ABL1: variants seen among roughly 807,000 people sequenced by gnomAD.
ABL1 encodes the protein ABL proto-oncogene 1, non-receptor tyrosine kinase.
In ABL1, 11 loss-of-function variants were observed where a neutral mutation model predicts 94.7. The ratio of observed to expected loss-of-function variants is 0.12; its 90% confidence interval spans 0.07 to 0.19. ABL1 has a LOEUF of 0.19. Ranked by LOEUF, ABL1 falls within the 10% of genes least tolerant of loss-of-function variation. The probability of loss-of-function intolerance (pLI) is 1.00; values close to 1 mark genes in which losing one functional copy is unlikely to be tolerated. For synonymous variants in ABL1, 656 were observed against 622.4 expected, an observed-to-expected ratio of 1.05 and a Z score of -0.80; for missense variants, 1,082 against 1,489.4, an observed-to-expected ratio of 0.73 and a Z score of 4.50.
At chr9:130,853,331 A>G (rs1179813994) in intron 1 of ABL1, among the ~76,000 whole-genome samples, 1 of 151,490 alleles carries the variant, frequency 6.6e-6, no homozygotes, top group East Asian at 1.9e-4. Flanking sequence ...ACCTGCCACC[A>G]TGCCCGGCTG....
chr9:130,835,591 C>G lies in ABL1; in HGVS notation c.79+66C>G. On this transcript the variant is annotated intron_variant, in intron 1 of 10. Transcript: ENST00000318560. The surrounding 1 kb of genome is among the most constrained non-coding windows in gnomAD (Gnocchi z 4.6). ...CCCTCCCGCTGCTGCTGGGCCCTTC[C>G]TAGGCCTCGCCGCCCGCGCGCTCCC... 1 of 1,411,964 alleles carries G rather than the reference C, an allele frequency of 7.1e-7. No individual in the cohort carries two copies. The highest frequency in any genetic ancestry group is 1.2e-5 in the South Asian group (1 of 80,876). The allele number at this position is 1,411,964 out of a possible 1,614,324, so 87.5% of individuals were successfully genotyped here. A position where few individuals can be genotyped will look rare whatever the true frequency, so the allele number is the denominator to read the frequency against.
chr9:130,821,949 C>T (rs761012777), intron 1 of ABL1, among the ~76,000 whole-genome samples: 1 of 151,974 alleles, frequency 6.6e-6, no homozygotes, highest in African/African-American at 2.4e-5. Context: ...ATGCCATTCT[C>T]CCGCCTCAGC....
Position 130,739,300 on chromosome 9 carries a change from G to A in ABL1, c.136+24845G>A, listed in dbSNP as rs182317626. ...TGAGACATGATGTGATGTTTAGTTC[G>A]TAGCATCCTCAGCACTGTCTTATTC... On this transcript the variant is annotated intron_variant, in intron 1 of 10. Coordinates refer to the ABL1 transcript ENST00000372348. Among the ~76,000 whole-genome samples, 145 of 151,966 alleles carry A rather than the reference G, an allele frequency of 9.5e-4. 1 individual carries two copies. Among genetic ancestry groups the A allele is most frequent in the African/African-American group, 3.4e-3 (140 of 41,452 alleles).
At position 130,887,359 on chromosome 9, in the gene ABL1, C is replaced by T. The variant is rs1831604569; in HGVS notation, c.*1676C>T. 1 of 233,276 alleles carries T rather than the reference C, an allele frequency of 4.3e-6. No individual in the cohort carries two copies. The highest frequency in any genetic ancestry group is 2.2e-5 in the African/African-American group (1 of 45,376). 14.5% of individuals were successfully genotyped at this position (233,276 alleles called of 1,614,324 possible). ...GGGAGGCACTAGTCACCGACAGCGG[C>T]CTTGAAGACAGAGCAAAGCGCCCAC... On this transcript the variant is annotated 3_prime_UTR_variant, in exon 11 of 11. Coordinates refer to ENST00000318560, the MANE Select transcript of ABL1 (RefSeq NM_005157.6).
At chr9:130,730,665 G>C (rs35782657) in intron 1 of ABL1, among the ~76,000 whole-genome samples, 49,029 of 151,648 alleles carry the variant, frequency 0.32, 11,580 homozygotes, top group African/African-American at 0.65. Context: ...TTGACCTCCT[G>C]GGCTCAAGCG....
At chr9:130,716,072 CTTTTTTTTTT>C (rs71389339) in intron 1 of ABL1, among the ~76,000 whole-genome samples, 88 of 91,200 alleles carry the variant, frequency 9.6e-4, no homozygotes, top group Middle Eastern at 8.8e-3. Flanking sequence ...GAAAAATGTC[CTTTTTTTTTT>C]TTTTTTTTTT....
Position 130,755,453 on chromosome 9 carries a change from GTC to G in ABL1, c.136+41002_136+41003del, listed in dbSNP as rs1475670539. 7.9e-5 allele frequency among the ~76,000 whole-genome samples: 12 copies of G among 152,282 alleles called. No individual in the cohort carries two copies. The East Asian group carries it at 1.7e-3, about 22-fold the overall frequency. On this transcript the variant is annotated intron_variant, in intron 1 of 10. Transcript: ENST00000372348. ...CTTCAGTAGTAGCATTGACAGAACA[GTC>G]TCTGTGTACTCTGTCCCCTCAGTGC... is the stretch of plus-strand genomic sequence containing the variant.
intron 1 of ABL1, among the ~76,000 whole-genome samples, chr9:130,754,491 G>A (rs1158904574): frequency 2.4e-5 from 3 of 126,302 alleles, no homozygotes; most frequent in Non-Finnish European, 4.6e-5. Context: ...CTGGGCGACA[G>A]AGCGAGACTC....
chr9:130,811,432 C>T (rs1391347006), intron 1 of ABL1, among the ~76,000 whole-genome samples: 2 of 152,140 alleles, frequency 1.3e-5, no homozygotes, highest in African/African-American at 2.4e-5. Context: ...GGTAATTACA[C>T]ATTGTAGCAT....
At chr9:130,811,886 T>G (rs1230518894) in intron 1 of ABL1, among the ~76,000 whole-genome samples, 2 of 121,504 alleles carry the variant, frequency 1.6e-5, no homozygotes, top group Non-Finnish European at 3.1e-5. Flanking sequence ...CACTGTAGTC[T>G]GAGCGACAGA....
intron 1 of ABL1, among the ~76,000 whole-genome samples, chr9:130,849,355 C>T (rs1216620090): frequency 6.6e-6 from 1 of 152,124 alleles, no homozygotes; most frequent in Non-Finnish European, 1.5e-5. Flanking sequence ...CAGTTGCCCT[C>T]AATTTATACA....
rs1345389252 is a variant in ABL1 at position 130,856,513 on chromosome 9, T to G, written c.549+1417T>G. Among the ~76,000 whole-genome samples the G allele has an allele frequency of 2.0e-5, 3 of 152,214 alleles. No homozygotes were observed. The East Asian group carries it at 5.8e-4, about 29-fold the overall frequency. On this transcript the variant is annotated intron_variant, in intron 3 of 10. Transcript: ENST00000318560. Reference sequence around the variant, plus strand: ...CTGGGATTACAGGCACGAGCCACTGTGCCCAGCCTATATTTTTTAAATAGT... The same window carrying G: ...CTGGGATTACAGGCACGAGCCACTGGGCCCAGCCTATATTTTTTAAATAGT...
chr9:130,881,489 G>A (rs1831452561), intron 10 of ABL1, among the ~76,000 whole-genome samples: 1 of 152,188 alleles, frequency 6.6e-6, no homozygotes, highest in South Asian at 2.1e-4. Context: ...TTACTTGGCG[G>A]CAGGCAAGAG....
Position 130,850,663 on chromosome 9 carries a change from C to T in ABL1, c.80-3401C>T, listed in dbSNP as rs1297887724. On this transcript the variant is annotated intron_variant, in intron 1 of 10. Coordinates refer to ENST00000318560, the MANE Select transcript of ABL1 (RefSeq NM_005157.6). ...TTGGGGCTACAGGTGTGCACCACCACGCCCAACTAATTTTTATATTTTTAG... is the reference window on the plus strand; with the variant it reads ...TTGGGGCTACAGGTGTGCACCACCATGCCCAACTAATTTTTATATTTTTAG... Among the ~76,000 whole-genome samples, 8 of 152,270 alleles carry T rather than the reference C, an allele frequency of 5.3e-5. No homozygotes were observed. The East Asian group carries it at 5.8e-4, about 11-fold the overall frequency.
chr9:130,823,091 C>T (rs1240471731), intron 1 of ABL1, among the ~76,000 whole-genome samples: 10 of 152,152 alleles, frequency 6.6e-5, no homozygotes, highest in Non-Finnish European at 8.8e-5. Context: ...CCACCGTGCC[C>T]GGCCTTCCAA....
chr9:130,826,311 G>C (rs1830423332), intron 1 of ABL1, among the ~76,000 whole-genome samples: 1 of 152,004 alleles, frequency 6.6e-6, no homozygotes, highest in African/African-American at 2.4e-5. Context: ...TGTAGAGATG[G>C]GGTTTCGCCA....
intron 1 of ABL1, among the ~76,000 whole-genome samples, chr9:130,716,252 C>T (rs183236880): frequency 3.3e-5 from 5 of 151,642 alleles, no homozygotes; most frequent in East Asian, 3.9e-4. Context: ...GCGTCACTGA[C>T]GCCCGGCTAA....
chr9:130,726,245 C>A (rs1831584334), intron 1 of ABL1, among the ~76,000 whole-genome samples: 1 of 132,196 alleles, frequency 7.6e-6, no homozygotes, highest in Non-Finnish European at 1.5e-5. Context: ...CAAATGAATA[C>A]CTCTGCATTC....
At position 130,884,498 on chromosome 9, in the gene ABL1, G is replaced by A. The variant is rs773057061; in HGVS notation, c.2208G>A (p.Leu736=). 1.9e-6 allele frequency: 3 copies of A among 1,613,086 alleles called. No individual in the cohort carries two copies. In the African/African-American group the frequency reaches 4.0e-5, roughly 22 times the overall value. ...ACACGGAGTGGAGGTCAGTCACGCT[G>A]CCTCGGGACTTGCAGTCCACGGGAA... The part of the protein sequence containing the change: ...AKDTEWRSVT[L]PRDLQSTGRQ... The change falls in exon 11 of 11, where the codon CTG becomes CTA. Residue 736 remains leucine (L), a synonymous_variant. Coordinates refer to ENST00000318560, the MANE Select transcript of ABL1 (RefSeq NM_005157.6). The surrounding 1 kb of genome is among the most constrained non-coding windows in gnomAD (Gnocchi z 5.6).
Sources: allele counts gnomAD v4.1 joint callset (sites outside exome capture counted in the v4.1 genomes callset), GRCh38; gene constraint gnomAD v4.1.1; non-coding constraint Gnocchi (gnomAD v3.1); transcripts MANE v1.5; gene names NCBI Gene and HGNC (gene_info 2026-07-23, HGNC 2026-07-21).